Variants in DERA observed in about 807,000 individuals in gnomAD.
DERA encodes 2-deoxy-D-ribose 5-phosphate aldolase.
In DERA, 15 loss-of-function variants were observed where a neutral mutation model predicts 41.1. The observed-to-expected ratio is 0.37, with a 90% CI of 0.24 to 0.56. The LOEUF is 0.56. Among genes scored for constraint, DERA ranks in the 20% least tolerant of loss-of-function variants. The pLI, the probability that DERA is intolerant of heterozygous loss-of-function variation, is 0.81. For synonymous variants in DERA, 139 were observed against 137.4 expected, an observed-to-expected ratio of 1.01 and a Z score of -0.08; for missense variants, 396 against 403.4, an observed-to-expected ratio of 0.98 and a Z score of 0.16.
In DERA at chr12:15,989,868, T is replaced by C. The variant is rs1948789662; in HGVS notation, c.637+7432T>C. Among the ~76,000 whole-genome samples the C allele has an allele frequency of 6.6e-6, 1 of 152,238 alleles. No homozygotes were observed. The highest frequency in any genetic ancestry group is 6.5e-5 in the Admixed American group (1 of 15,284). ...ACTTTGGTCAACTAAATGTTAGTAG[T>C]CTAAACTGTAAGGATTATTGGTTTA... On this transcript the variant is annotated intron_variant, in intron 6 of 8. Transcript: ENST00000428559. The surrounding 1 kb of genome is among the most constrained non-coding windows in gnomAD (Gnocchi z 5.2).
intron 5 of DERA, among the ~76,000 whole-genome samples, chr12:15,980,053 C>G (rs1407997748): frequency 6.6e-6 from 1 of 152,330 alleles, no homozygotes; most frequent in South Asian, 2.1e-4. Flanking sequence ...GTTACTGGAA[C>G]TGGGTCAGGC....
chr12:15,993,635 A>C lies in DERA; in HGVS notation c.637+11199A>C, dbSNP rs914129361. Reference sequence around the variant, plus strand: ...AAGAGATAAAAGATTTAAAGTGTACATTTATTTACAGTTCCTTAAACTAGC... The same window carrying C: ...AAGAGATAAAAGATTTAAAGTGTACCTTTATTTACAGTTCCTTAAACTAGC... On this transcript the variant is annotated intron_variant, in intron 6 of 8. Transcript: ENST00000428559. This position sits in a 1 kb window ranked among gnomAD's most constrained non-coding sequence, Gnocchi z 4.4. 1.3e-5 allele frequency among the ~76,000 whole-genome samples: 2 copies of C among 152,178 alleles called. No homozygotes were observed. Among genetic ancestry groups the C allele is most frequent in the African/African-American group, 2.4e-5 (1 of 41,444 alleles).
chr12:15,933,153 A>G (rs1948341485), intron 1 of DERA, among the ~76,000 whole-genome samples: 1 of 152,220 alleles, frequency 6.6e-6, no homozygotes, highest in South Asian at 2.1e-4. Flanking sequence ...TTTCTTCAAC[A>G]TACTGACTTC....
intron 4 of DERA, among the ~76,000 whole-genome samples, chr12:15,961,558 T>A (rs1275626631): frequency 6.6e-6 from 1 of 152,136 alleles, no homozygotes; most frequent in Non-Finnish European, 1.5e-5. Flanking sequence ...CATTAGCTTA[T>A]TAGGAATATA....
In DERA at chr12:15,972,801, C is replaced by T. The variant is rs529125004; in HGVS notation, c.509-9507C>T. ...CGTTCAGGGATCAGTGGGAGTGGTG[C>T]GGGACTCCACGATCTAGTGCTGGAC... is the stretch of plus-strand genomic sequence containing the variant. On this transcript the variant is annotated intron_variant, in intron 5 of 8. Coordinates refer to ENST00000428559, the MANE Select transcript of DERA (RefSeq NM_015954.4). The surrounding 1 kb of genome is among the most constrained non-coding windows in gnomAD (Gnocchi z 4.4). Among the ~76,000 whole-genome samples the T allele has an allele frequency of 4.5e-4, 68 of 152,096 alleles. No homozygotes were observed. The South Asian group carries it at 7.1e-3, about 16-fold the overall frequency.
chr12:15,974,539 A>G (rs1211356855), intron 5 of DERA, among the ~76,000 whole-genome samples: 2 of 152,190 alleles, frequency 1.3e-5, no homozygotes, highest in Admixed American at 1.3e-4. Context: ...GCATTATTTC[A>G]GGAGTCACAA....
intron 1 of DERA, among the ~76,000 whole-genome samples, chr12:15,925,822 CTTTTTTT>C (rs35956433): frequency 1.5e-4 from 14 of 95,290 alleles, no homozygotes; most frequent in South Asian, 6.9e-4. Context: ...ACTCCTGAGG[CTTTTTTT>C]TTTTTTTTTT....
rs1379574972 is a variant in DERA, at chr12:16,035,014, T to C, written c.751-1218T>C. On this transcript the variant is annotated intron_variant, in intron 7 of 8. Coordinates refer to ENST00000428559, the MANE Select transcript of DERA (RefSeq NM_015954.4). This position sits in a 1 kb window ranked among gnomAD's most constrained non-coding sequence, Gnocchi z 4.1. The stretch of plus-strand genomic sequence containing the variant: ...GATATGGTTGGAATCCGTGCACTGC[T>C]ACTGCTTAGTTGTGTGACGTTGTGT... Among the ~76,000 whole-genome samples, 1 of 152,238 alleles carries C rather than the reference T, an allele frequency of 6.6e-6. No individual in the cohort carries two copies. The highest frequency in any genetic ancestry group is 1.5e-5 in the Non-Finnish European group (1 of 68,046).
intron 5 of DERA, among the ~76,000 whole-genome samples, chr12:15,980,875 C>G (rs183122365): frequency 6.6e-6 from 1 of 152,118 alleles, no homozygotes; most frequent in Non-Finnish European, 1.5e-5. Flanking sequence ...ATTGAGAAGG[C>G]AAGCTTTATT....
At chr12:15,968,223 A>G (rs1161636783) in intron 5 of DERA, among the ~76,000 whole-genome samples, 1 of 151,910 alleles carries the variant, frequency 6.6e-6, no homozygotes, top group Non-Finnish European at 1.5e-5. Flanking sequence ...TGTATGTTTT[A>G]TTGTATTACT....
In DERA at chr12:15,967,208, A is replaced by C. The variant is rs6488803; in HGVS notation, c.508+4261A>C. 0.018 allele frequency among the ~76,000 whole-genome samples: 2,748 copies of C among 151,976 alleles called. 88 individuals carry two copies. The highest frequency in any genetic ancestry group is 0.064 in the African/African-American group (2,630 of 41,390). ...CTGCATAAAAAAAAAAAAATGCAAAAATTAGCCTGGTGTTGTGGTATGCGC... is the reference window on the plus strand; with the variant it reads ...CTGCATAAAAAAAAAAAAATGCAAACATTAGCCTGGTGTTGTGGTATGCGC... On this transcript the variant is annotated intron_variant, in intron 5 of 8. Coordinates refer to ENST00000428559, the MANE Select transcript of DERA (RefSeq NM_015954.4). The surrounding 1 kb of genome is among the most constrained non-coding windows in gnomAD (Gnocchi z 4.9).
rs1013987291 is a variant in DERA at position 16,014,418 on chromosome 12, A to G, written c.638-18124A>G. Among the ~76,000 whole-genome samples, 1 of 152,248 alleles carries G rather than the reference A, an allele frequency of 6.6e-6. No homozygotes were observed. The highest frequency in any genetic ancestry group is 2.4e-5 in the African/African-American group (1 of 41,468). On this transcript the variant is annotated intron_variant, in intron 6 of 8. Coordinates refer to ENST00000428559, the MANE Select transcript of DERA (RefSeq NM_015954.4). This position sits in a 1 kb window ranked among gnomAD's most constrained non-coding sequence, Gnocchi z 5.4. ...ATCCCGGCCGTGGCTAAAAGAAGCC[A>G]ATGTACAGCTCAGGCCATTGCTTCA...
At chr12:15,952,754 T>C (rs990900047) in intron 1 of DERA, among the ~76,000 whole-genome samples, 1 of 152,232 alleles carries the variant, frequency 6.6e-6, no homozygotes, top group African/African-American at 2.4e-5. Flanking sequence ...TAGGCACAAG[T>C]GTGTGGCTCC....
At chr12:16,027,360 A>G (rs1207789318) in intron 6 of DERA, among the ~76,000 whole-genome samples, 2 of 152,242 alleles carry the variant, frequency 1.3e-5, no homozygotes, top group Non-Finnish European at 2.9e-5. Context: ...TCCTGAAGAT[A>G]GGTTCACATC....
At position 15,989,607 on chromosome 12, in the gene DERA, C is replaced by T. The variant is rs907362356; in HGVS notation, c.637+7171C>T. On this transcript the variant is annotated intron_variant, in intron 6 of 8. Transcript: ENST00000428559. The surrounding 1 kb of genome is among the most constrained non-coding windows in gnomAD (Gnocchi z 5.2). ...TTTATTGTTATTTATAGCAGGAGGGCGAGTCTGGTGACATTCTGTTATGTC... is the reference window on the plus strand; with the variant it reads ...TTTATTGTTATTTATAGCAGGAGGGTGAGTCTGGTGACATTCTGTTATGTC... Among the ~76,000 whole-genome samples the T allele has an allele frequency of 1.5e-4, 23 of 152,130 alleles. No individual in the cohort carries two copies. Among genetic ancestry groups the T allele is most frequent in the East Asian group, 1.9e-4 (1 of 5,198 alleles).
intron 5 of DERA, among the ~76,000 whole-genome samples, chr12:15,977,324 G>C (rs1265389472): frequency 2.0e-5 from 3 of 152,178 alleles, no homozygotes; most frequent in Admixed American, 2.0e-4. Flanking sequence ...TGTGTGCTGG[G>C]ATAGAGGCAG....
chr12:15,944,655 A>G (rs1451054636), intron 1 of DERA, among the ~76,000 whole-genome samples: 1 of 152,202 alleles, frequency 6.6e-6, no homozygotes, highest in Non-Finnish European at 1.5e-5. Context: ...ATAGATGGCA[A>G]AAATTTTCTC....
intron 6 of DERA, among the ~76,000 whole-genome samples, chr12:16,023,730 G>T (rs2136186119): frequency 6.6e-6 from 1 of 152,178 alleles, no homozygotes; most frequent in South Asian, 2.1e-4. Context: ...GCCCGCCTCG[G>T]CCTCCCAAAG....
At chr12:16,022,897 GA>G (rs1949025840) in intron 6 of DERA, among the ~76,000 whole-genome samples, 2 of 152,186 alleles carry the variant, frequency 1.3e-5, no homozygotes, top group Non-Finnish European at 2.9e-5. Context: ...AAGAGCCAAA[GA>G]AGGTCCCTTC....
Sources: allele counts gnomAD v4.1 joint callset (sites outside exome capture counted in the v4.1 genomes callset), GRCh38; gene constraint gnomAD v4.1.1; non-coding constraint Gnocchi (gnomAD v3.1); transcripts MANE v1.5; gene names NCBI Gene and HGNC (gene_info 2026-07-23, HGNC 2026-07-21).